ADAMTS3: variants seen among roughly 807,000 people sequenced by gnomAD.
The protein encoded by ADAMTS3 is A disintegrin and metalloproteinase with thrombospondin motifs 3.
A neutral mutation model predicts 129.0 loss-of-function variants in ADAMTS3; 73 were observed. The ratio of observed to expected loss-of-function variants is 0.57; its 90% CI spans 0.47 to 0.69. The LOEUF is 0.69. Ranked by LOEUF, ADAMTS3 falls within the 30% of genes least tolerant of loss-of-function variation. The probability of loss-of-function intolerance (pLI) is 0.00; values close to 1 mark genes in which losing one functional copy is unlikely to be tolerated. For synonymous variants in ADAMTS3, 477 were observed against 510.8 expected, an observed-to-expected ratio of 0.93 and a Z score of 0.89; for missense variants, 1,457 against 1,514.5, an observed-to-expected ratio of 0.96 and a Z score of 0.63.
chr4:72,409,759 G>T (rs189535828), intron 4 of ADAMTS3, among the ~76,000 whole-genome samples: 10 of 152,178 alleles, frequency 6.6e-5, no homozygotes, highest in African/African-American at 2.4e-4. Context: ...CCTATTTTAT[G>T]TAATAAGTCA....
At chr4:72,410,522 G>T (rs1722160145) in intron 4 of ADAMTS3, among the ~76,000 whole-genome samples, 1 of 152,078 alleles carries the variant, frequency 6.6e-6, no homozygotes, top group Non-Finnish European at 1.5e-5. Flanking sequence ...TAATTTGAGG[G>T]GAGAAGCCTA....
intron 3 of ADAMTS3, among the ~76,000 whole-genome samples, chr4:72,425,744 T>C (rs924011406): frequency 6.6e-6 from 1 of 151,858 alleles, no homozygotes; most frequent in African/African-American, 2.4e-5. Context: ...TGTTGGACAT[T>C]TGGGTTGGTT....
At chr4:72,463,728 C>T (rs960304022) in intron 3 of ADAMTS3, among the ~76,000 whole-genome samples, 1 of 143,124 alleles carries the variant, frequency 7.0e-6, no homozygotes, top group Non-Finnish European at 1.5e-5. Context: ...CATTTGGTAA[C>T]ATACTTTCAA....
At chr4:72,447,663 C>T (rs1041601716) in intron 3 of ADAMTS3, among the ~76,000 whole-genome samples, 2 of 151,606 alleles carry the variant, frequency 1.3e-5, no homozygotes, top group African/African-American at 2.4e-5. Flanking sequence ...CTTTCATTGC[C>T]CCACACTCCA....
rs1191606790 is a variant in ADAMTS3, at chr4:72,282,008, A to G, written c.*1128T>C. The G allele has an allele frequency of 6.6e-6, 1 of 152,172 alleles. No homozygotes were observed. Among genetic ancestry groups the G allele is most frequent in the Non-Finnish European group, 1.5e-5 (1 of 68,036 alleles). The allele number at this position is 152,172 out of a possible 1,614,324, so 9.4% of individuals were successfully genotyped here. A position where few individuals can be genotyped will look rare whatever the true frequency, so the allele number is the denominator to read the frequency against. On this transcript the variant is annotated 3_prime_UTR_variant, in exon 22 of 22. Transcript: ENST00000286657. Reference sequence around the variant, plus strand: ...TGAACATGAACCATATGGAAAATAAATATCTCAACCATCGACATATGCTTT... The same window carrying G: ...TGAACATGAACCATATGGAAAATAAGTATCTCAACCATCGACATATGCTTT...
At chr4:72,334,284 C>T (rs567211419) in intron 5 of ADAMTS3, among the ~76,000 whole-genome samples, 10 of 152,198 alleles carry the variant, frequency 6.6e-5, no homozygotes, top group South Asian at 2.1e-4. Flanking sequence ...TCTATAATCT[C>T]GCTGAGGTCA....
rs776872362 is a variant in ADAMTS3, at chr4:72,568,656, G to A, written c.69+38C>T. 3.5e-6 allele frequency: 5 copies of A among 1,432,352 alleles called. No individual in the cohort carries two copies. The East Asian group carries it at 7.6e-5, about 22-fold the overall frequency. The allele number at this position is 1,432,352 out of a possible 1,614,324, so 88.7% of individuals were successfully genotyped here. A position where few individuals can be genotyped will look rare whatever the true frequency, so the allele number is the denominator to read the frequency against. ...GAGGAACTTTTCGGGAAAAGGTTGG[G>A]TTTGAGTTTTTTTTTATTGTTATTA... On this transcript the variant is annotated intron_variant, in intron 1 of 21. Transcript: ENST00000286657.
intron 18 of ADAMTS3, 112 bp from the exon 19 acceptor site, chr4:72,295,898 T>C (rs1718793736): frequency 2.2e-6 from 3 of 1,346,166 alleles, no homozygotes; most frequent in African/African-American, 1.5e-5. Context: ...AAATATGTAT[T>C]GAGTGCATAC....
intron 4 of ADAMTS3, among the ~76,000 whole-genome samples, chr4:72,378,951 T>C (rs1230686383): frequency 3.3e-5 from 5 of 152,142 alleles, no homozygotes; most frequent in Non-Finnish European, 1.5e-5. Context: ...CGCAGTTCTC[T>C]TGCCAGATGT....
At chr4:72,469,594 C>A (rs972643256) in intron 3 of ADAMTS3, among the ~76,000 whole-genome samples, 2 of 152,076 alleles carry the variant, frequency 1.3e-5, no homozygotes, top group African/African-American at 4.8e-5. Flanking sequence ...GTCTTTCAGG[C>A]CTGCTCCTTC....
intron 21 of ADAMTS3, among the ~76,000 whole-genome samples, chr4:72,284,630 T>TTTATG (rs1578549340): frequency 6.6e-6 from 1 of 152,206 alleles, no homozygotes; most frequent in East Asian, 1.9e-4. Context: ...AAAGGATACT[T>TTTATG]AGTAACACTC....
intron 3 of ADAMTS3, among the ~76,000 whole-genome samples, chr4:72,415,527 T>A (rs968261504): frequency 3.9e-5 from 6 of 151,996 alleles, no homozygotes; most frequent in African/African-American, 1.4e-4. Flanking sequence ...TTTCTAAAGT[T>A]TATTCATTTG....
chr4:72,569,091 A>C lies in ADAMTS3; in HGVS notation c.-329T>G. 2.8e-6 allele frequency: 1 copy of C among 360,528 alleles called. No homozygotes were observed. The highest frequency in any genetic ancestry group is 5.0e-6 in the Non-Finnish European group (1 of 198,304). 22.3% of individuals were successfully genotyped at this position (360,528 alleles called of 1,614,324 possible). ...GGGGCTTTCCAACTATCTCTGCCCA[A>C]AGCAGCTTTTTCGAGGCTTTTCGAG... On this transcript the variant is annotated 5_prime_UTR_variant, in exon 1 of 22. Coordinates refer to ENST00000286657, the MANE Select transcript of ADAMTS3 (RefSeq NM_014243.3).
chr4:72,527,510 T>C (rs1720846063), intron 3 of ADAMTS3, among the ~76,000 whole-genome samples: 2 of 152,168 alleles, frequency 1.3e-5, no homozygotes. Flanking sequence ...TGATCAAAAA[T>C]ACTTATTGAA....
chr4:72,499,499 T>C (rs938174868), intron 3 of ADAMTS3, among the ~76,000 whole-genome samples: 3 of 152,162 alleles, frequency 2.0e-5, no homozygotes, highest in African/African-American at 7.2e-5. Flanking sequence ...AGTGGTAAAC[T>C]ACATTTATTA....
At position 72,389,512 on chromosome 4, in the gene ADAMTS3, T is replaced by C. The variant is rs150972496; in HGVS notation, c.661+25303A>G. ...ATAACTTTGAAATGTTTCATTTAAA[T>C]TAAAAGATGAAAAAAACAAAAAAAA... On this transcript the variant is annotated intron_variant, in intron 4 of 21. Coordinates refer to ENST00000286657, the MANE Select transcript of ADAMTS3 (RefSeq NM_014243.3). 9.3e-3 allele frequency among the ~76,000 whole-genome samples: 1,388 copies of C among 149,818 alleles called. 15 individuals are homozygous for C. The highest frequency in any genetic ancestry group is 0.033 in the African/African-American group (1,320 of 40,122).
At chr4:72,502,636 T>C (rs1720054743) in intron 3 of ADAMTS3, among the ~76,000 whole-genome samples, 1 of 152,160 alleles carries the variant, frequency 6.6e-6, no homozygotes, top group Admixed American at 6.6e-5. Context: ...AAGTGATTCC[T>C]GCTAGCTTTG....
chr4:72,393,007 C>T (rs1414290094), intron 4 of ADAMTS3, among the ~76,000 whole-genome samples: 1 of 151,340 alleles, frequency 6.6e-6, no homozygotes, highest in Non-Finnish European at 1.5e-5. Flanking sequence ...CTCACTACAA[C>T]CTCTGCCTCC....
At chr4:72,401,566 CAAAAAAAAAAA>C (rs374322807) in intron 4 of ADAMTS3, among the ~76,000 whole-genome samples, 1 of 37,062 alleles carries the variant, frequency 2.7e-5, no homozygotes, top group East Asian at 8.5e-4. Context: ...TACTCTGTCT[CAAAAAAAAAAA>C]AAAAAAAAAA....
Sources: allele counts gnomAD v4.1 joint callset (sites outside exome capture counted in the v4.1 genomes callset), GRCh38; gene constraint gnomAD v4.1.1; transcripts MANE v1.5; gene names NCBI Gene and HGNC (gene_info 2026-07-23, HGNC 2026-07-21).